Variants in EIF4E3 observed in about 807,000 individuals in gnomAD.
EIF4E3 encodes eukaryotic translation initiation factor 4E type 3.
EIF4E3 carries 26 observed loss-of-function variants against 31.7 expected under a neutral mutation model. That is an observed-to-expected ratio of 0.82 (90% CI 0.60 to 1.14). The LOEUF (loss-of-function observed/expected upper bound fraction) is 1.14, where lower values mean the gene tolerates loss of function less well. Ranked by LOEUF, EIF4E3 falls within the 50% of genes most tolerant of loss-of-function variation. The probability of loss-of-function intolerance (pLI) is 0.00; values close to 1 mark genes in which losing one functional copy is unlikely to be tolerated. For missense variants in EIF4E3, 304 were observed against 270.9 expected, an observed-to-expected ratio of 1.12 and a Z score of -0.86; for synonymous variants, 128 against 107.7, an observed-to-expected ratio of 1.19 and a Z score of -1.17.
At chr3:71,754,403 C>A, upstream of EIF4E3, 1 of 1,345,942 alleles carries the variant, frequency 7.4e-7, no homozygotes, top group South Asian at 1.7e-5. This position sits in a 1 kb window ranked among gnomAD's most constrained non-coding sequence, Gnocchi z 5.8. Flanking sequence ...GCGTGGGCGT[C>A]ACCCGCTACC....
intron 3 of EIF4E3, 96 bp from the exon 4 acceptor site, chr3:71,696,616 A>C: frequency 7.0e-7 from 1 of 1,421,378 alleles, no homozygotes; most frequent in Non-Finnish European, 9.7e-7. Flanking sequence ...GTTTAACAAC[A>C]GATGACCTTA....
upstream of EIF4E3, chr3:71,754,724 C>G (rs1179492692): frequency 4.8e-6 from 7 of 1,470,400 alleles, no homozygotes; most frequent in African/African-American, 8.8e-5. The surrounding 1 kb of genome is among the most constrained non-coding windows in gnomAD (Gnocchi z 5.8). Flanking sequence ...CCGTCAGCCA[C>G]GACTGGACCT....
chr3:71,681,237 C>G lies in EIF4E3; in HGVS notation c.*3445G>C, dbSNP rs564582347. The G allele has an allele frequency of 6.6e-6, 1 of 152,170 alleles. No individual in the cohort carries two copies. Among genetic ancestry groups the G allele is most frequent in the African/African-American group, 2.4e-5 (1 of 41,454 alleles). 9.4% of individuals were successfully genotyped at this position (152,170 alleles called of 1,614,324 possible). On this transcript the variant is annotated 3_prime_UTR_variant, in exon 7 of 7. Transcript: ENST00000425534. ...TCAAATTTTTATAAAAGCTTAAGAG[C>G]AAAATGCAGTAGGATCTTAAAAAAA...
the EIF4E3 span, among the ~76,000 whole-genome samples, chr3:71,662,849 G>A: frequency 6.6e-6 from 1 of 152,138 alleles, no homozygotes; most frequent in Non-Finnish European, 1.5e-5. Context: ...TCCAATAAGA[G>A]AGAAGCCAGC....
intron 6 of EIF4E3, among the ~76,000 whole-genome samples, chr3:71,688,615 A>G (rs2049022846): frequency 6.6e-6 from 1 of 152,188 alleles, no homozygotes; most frequent in Admixed American, 6.5e-5. Flanking sequence ...AAAATGTTTT[A>G]GCCCCATACA....
At chr3:71,660,532 G>C in the EIF4E3 span, among the ~76,000 whole-genome samples, 1 of 152,170 alleles carries the variant, frequency 6.6e-6, no homozygotes, top group South Asian at 2.1e-4. Flanking sequence ...GAATAGACCA[G>C]ATGTTAGCAG....
chr3:71,670,411 C>T, the EIF4E3 span, among the ~76,000 whole-genome samples: 1 of 152,098 alleles, frequency 6.6e-6, no homozygotes, highest in African/African-American at 2.4e-5. Flanking sequence ...TCCTCCATTG[C>T]ACCCCCCCAA....
chr3:71,664,562 C>A, the EIF4E3 span, among the ~76,000 whole-genome samples: 1 of 152,086 alleles, frequency 6.6e-6, no homozygotes, highest in Non-Finnish European at 1.5e-5. Context: ...CTTACTGGGA[C>A]TGTTGAGAGA....
intron 1 of EIF4E3, among the ~76,000 whole-genome samples, chr3:71,711,590 G>T (rs181297070): frequency 6.6e-6 from 1 of 152,314 alleles, no homozygotes; most frequent in African/African-American, 2.4e-5. Context: ...AATGCCAAAG[G>T]CCCATGCCCA....
intron 1 of EIF4E3, among the ~76,000 whole-genome samples, chr3:71,741,181 T>G (rs967824537): frequency 3.5e-5 from 5 of 142,418 alleles, no homozygotes; most frequent in Non-Finnish European, 7.6e-5. Flanking sequence ...TCCATGCACA[T>G]GCACATGCAC....
chr3:71,696,840 C>A (rs1478052769), intron 3 of EIF4E3, among the ~76,000 whole-genome samples: 1 of 151,494 alleles, frequency 6.6e-6, no homozygotes, highest in Admixed American at 6.6e-5. Context: ...CTCAGCCTCC[C>A]AAGTAGCTGG....
chr3:71,670,429 G>T (rs1239945868), downstream of EIF4E3, among the ~76,000 whole-genome samples: 1 of 151,938 alleles, frequency 6.6e-6, no homozygotes, highest in Non-Finnish European at 1.5e-5. Context: ...CAACCCCCGT[G>T]GCCCCAGCCA....
chr3:71,740,049 G>A (rs2049804247), intron 1 of EIF4E3, among the ~76,000 whole-genome samples: 1 of 151,884 alleles, frequency 6.6e-6, no homozygotes, highest in Non-Finnish European at 1.5e-5. Flanking sequence ...AATGTACACT[G>A]TGAATCCTAA....
intron 2 of EIF4E3, among the ~76,000 whole-genome samples, chr3:71,707,616 C>T (rs916745427): frequency 1.3e-5 from 2 of 152,014 alleles, no homozygotes; most frequent in Non-Finnish European, 2.9e-5. Flanking sequence ...TCACTGTTCC[C>T]CCCTTAGGCC....
At chr3:71,723,273 T>C (rs2049579045) in intron 1 of EIF4E3, among the ~76,000 whole-genome samples, 1 of 152,168 alleles carries the variant, frequency 6.6e-6, no homozygotes, top group Non-Finnish European at 1.5e-5. Context: ...TATATAAAGG[T>C]AATGGATTCC....
At chr3:71,715,739 T>TTA (rs1425623441) in intron 1 of EIF4E3, among the ~76,000 whole-genome samples, 1 of 152,240 alleles carries the variant, frequency 6.6e-6, no homozygotes. Flanking sequence ...AGTTTCCTCT[T>TTA]TAATAATATT....
At chr3:71,732,436 T>C (rs2049716463) in intron 1 of EIF4E3, among the ~76,000 whole-genome samples, 1 of 151,996 alleles carries the variant, frequency 6.6e-6, no homozygotes. Flanking sequence ...TGTCAGTATA[T>C]AGGTTTTGTG....
chr3:71,677,902 G>T lies in EIF4E3; in HGVS notation c.*6780C>A, dbSNP rs997118489. ...GAGAGTAATTGACTTATTCTAAAAC[G>T]GAACCATTCTTAATAGAGGGTAAAG... On this transcript the variant is annotated 3_prime_UTR_variant, in exon 7 of 7. Transcript: ENST00000425534. 1 of 152,164 alleles carries T rather than the reference G, an allele frequency of 6.6e-6. No individual in the cohort carries two copies. The highest frequency in any genetic ancestry group is 1.5e-5 in the Non-Finnish European group (1 of 68,004). The allele number at this position is 152,164 out of a possible 1,614,324, so 9.4% of individuals were successfully genotyped here.
chr3:71,713,171 G>C (rs1037069962), intron 1 of EIF4E3, among the ~76,000 whole-genome samples: 1 of 152,166 alleles, frequency 6.6e-6, no homozygotes, highest in Non-Finnish European at 1.5e-5. Context: ...CTGAATCCCT[G>C]CAATCCTATT....
Sources: gnomAD v4.1 joint callset for allele counts (sites outside exome capture counted in the v4.1 genomes callset) on GRCh38, gnomAD v4.1.1 for gene constraint, Gnocchi (gnomAD v3.1) non-coding constraint, MANE v1.5 for transcripts, NCBI Gene and HGNC (gene_info 2026-07-23, HGNC 2026-07-21) for gene names.